Variants in GABRB1 observed in about 807,000 individuals in gnomAD.
The protein encoded by GABRB1 is gamma-aminobutyric acid type A receptor subunit beta1.
In GABRB1, 17 loss-of-function variants were observed where a neutral mutation model predicts 51.6. That is an observed-to-expected ratio of 0.33 (90% CI 0.23 to 0.49). GABRB1 has a LOEUF of 0.49. GABRB1 is among the 20% of genes least tolerant of loss of function. GABRB1 has a pLI of 0.99. For synonymous variants in GABRB1, 247 were observed against 218.9 expected (o/e 1.13, Z -1.14); for missense variants, 410 against 600.6 (o/e 0.68, Z 3.32).
chr4:47,245,378 C>T (rs953440246), intron 4 of GABRB1, among the ~76,000 whole-genome samples: 2 of 152,158 alleles, frequency 1.3e-5, no homozygotes, highest in African/African-American at 2.4e-5. Flanking sequence ...GTTATTCCCT[C>T]AGAGAAAGAG....
At chr4:47,113,694 C>T (rs568114610) in intron 3 of GABRB1, among the ~76,000 whole-genome samples, 3 of 152,306 alleles carry the variant, frequency 2.0e-5, no homozygotes, top group African/African-American at 7.2e-5. Flanking sequence ...AGTATCATTA[C>T]TCTAGTTGTG....
chr4:47,283,356 C>CTTTTTTT (rs570311247), intron 4 of GABRB1, among the ~76,000 whole-genome samples: 1 of 77,298 alleles, frequency 1.3e-5, no homozygotes, highest in Non-Finnish European at 2.4e-5. Context: ...CTGGTGGCCC[C>CTTTTTTT]TTTTTTTTTT....
chr4:47,313,243 A>G (rs1188249231), intron 4 of GABRB1, among the ~76,000 whole-genome samples: 1 of 152,218 alleles, frequency 6.6e-6, no homozygotes, highest in African/African-American at 2.4e-5. Context: ...AAGAACAGTC[A>G]GTTAATGCTT....
intron 3 of GABRB1, among the ~76,000 whole-genome samples, chr4:47,123,829 T>A (rs1251923845): frequency 2.3e-5 from 2 of 85,726 alleles, no homozygotes; most frequent in African/African-American, 9.3e-5. Context: ...TATATTATAT[T>A]ATATATTATA....
In GABRB1 at chr4:47,097,421, G is replaced by C. The variant is rs546969964; in HGVS notation, c.241-63828G>C. Among the ~76,000 whole-genome samples, 6 of 152,212 alleles carry C rather than the reference G, an allele frequency of 3.9e-5. No homozygotes were observed. In the East Asian group the frequency reaches 1.2e-3, roughly 29 times the overall value. On this transcript the variant is annotated intron_variant, in intron 3 of 8. Coordinates refer to ENST00000295454, the MANE Select transcript of GABRB1 (RefSeq NM_000812.4). ...CCTTGCTCCAATAACACCTAATCAAGTGAATCTTCCGTGACTGCAAATGAA... is the reference window on the plus strand; with the variant it reads ...CCTTGCTCCAATAACACCTAATCAACTGAATCTTCCGTGACTGCAAATGAA...
chr4:47,063,025 C>G (rs987475655), intron 3 of GABRB1, among the ~76,000 whole-genome samples: 3 of 152,232 alleles, frequency 2.0e-5, no homozygotes, highest in African/African-American at 7.2e-5. Context: ...TGGATTATAT[C>G]ACTTCTTACT....
At chr4:47,338,360 T>C (rs1229069877) in intron 5 of GABRB1, among the ~76,000 whole-genome samples, 1 of 152,196 alleles carries the variant, frequency 6.6e-6, no homozygotes, top group Non-Finnish European at 1.5e-5. Flanking sequence ...TACATCCTAG[T>C]CCGTCAAAAG....
chr4:47,192,103 C>A (rs1719462146), intron 4 of GABRB1, among the ~76,000 whole-genome samples: 1 of 151,856 alleles, frequency 6.6e-6, no homozygotes, highest in Admixed American at 6.6e-5. Flanking sequence ...AAACAAAAAA[C>A]CCTCAAGCCT....
chr4:47,130,756 C>T (rs935301612), intron 3 of GABRB1, among the ~76,000 whole-genome samples: 7 of 152,100 alleles, frequency 4.6e-5, no homozygotes, highest in Admixed American at 6.5e-5. Context: ...CCTCCAAGCA[C>T]CAAAAGGATA....
intron 5 of GABRB1, among the ~76,000 whole-genome samples, chr4:47,381,109 C>T (rs1353395331): frequency 1.3e-5 from 2 of 152,248 alleles, no homozygotes; most frequent in Middle Eastern, 3.4e-3. Context: ...ACTGTCTCCC[C>T]GTTGTGCCAC....
chr4:47,320,960 G>C (rs541128155), intron 5 of GABRB1, among the ~76,000 whole-genome samples: 8 of 151,942 alleles, frequency 5.3e-5, no homozygotes, highest in Non-Finnish European at 1.2e-4. Flanking sequence ...TAGTAGAGAC[G>C]AGGTTTCATC....
intron 1 of GABRB1, among the ~76,000 whole-genome samples, chr4:47,011,366 A>T (rs1031824877): frequency 7.9e-5 from 12 of 152,260 alleles, no homozygotes; most frequent in Admixed American, 5.9e-4. Flanking sequence ...TCTGGGCGGC[A>T]ACTACAGAGA....
chr4:47,031,596 A>G lies in GABRB1; in HGVS notation c.-56A>G. 2 of 1,445,538 alleles carry G rather than the reference A, an allele frequency of 1.4e-6. No homozygotes were observed. The highest frequency in any genetic ancestry group is 2.3e-5 in the East Asian group (1 of 44,084). The allele number at this position is 1,445,538 out of a possible 1,614,324, so 89.5% of individuals were successfully genotyped here. A position where few individuals can be genotyped will look rare whatever the true frequency, so the allele number is the denominator to read the frequency against. On this transcript the variant is annotated 5_prime_UTR_variant, in exon 1 of 9. Transcript: ENST00000295454. The stretch of plus-strand genomic sequence containing the variant: ...GGGAATTACTGCCCAGCAGCCGACT[A>G]AGTTGCATTCCTTGAATCTTCGCAG...
At chr4:47,030,048 A>G (rs28580121), upstream of GABRB1, among the ~76,000 whole-genome samples, 3,650 of 151,972 alleles carry the variant, frequency 0.024, 133 homozygotes, top group African/African-American at 0.084. Flanking sequence ...GAATTAGTTT[A>G]TTCATTTCCA....
At chr4:47,061,913 A>G (rs1726862028) in intron 3 of GABRB1, among the ~76,000 whole-genome samples, 1 of 152,158 alleles carries the variant, frequency 6.6e-6, no homozygotes, top group Non-Finnish European at 1.5e-5. Context: ...AAATGGTAAT[A>G]TTCATTCTTA....
chr4:47,009,031 T>C (rs1724505848), intron 1 of GABRB1, among the ~76,000 whole-genome samples: 1 of 147,856 alleles, frequency 6.8e-6, no homozygotes, highest in South Asian at 2.2e-4. Flanking sequence ...GCCCGGCTAA[T>C]TTTTTGTATT....
chr4:47,090,094 G>T (rs1038572029), intron 3 of GABRB1, among the ~76,000 whole-genome samples: 1 of 152,124 alleles, frequency 6.6e-6, no homozygotes, highest in African/African-American at 2.4e-5. Context: ...AGACGTTTTT[G>T]TTGAATATAA....
Position 47,344,267 on chromosome 4 carries a change from A to C in GABRB1, c.544+24058A>C, listed in dbSNP as rs1726008399. Among the ~76,000 whole-genome samples the C allele has an allele frequency of 3.9e-5, 6 of 152,294 alleles. No homozygotes were observed. In the South Asian group the frequency reaches 1.2e-3, roughly 32 times the overall value. On this transcript the variant is annotated intron_variant, in intron 5 of 8. Coordinates refer to ENST00000295454, the MANE Select transcript of GABRB1 (RefSeq NM_000812.4). ...GGTTCACAATACTGTGTACTTCAAA[A>C]TTCTTCCCTGCTGTCTTCTCTGGGG...
chr4:47,299,117 A>G (rs1213786001), intron 4 of GABRB1, among the ~76,000 whole-genome samples: 2 of 151,844 alleles, frequency 1.3e-5, no homozygotes, highest in Non-Finnish European at 2.9e-5. Flanking sequence ...TAAATGTTAG[A>G]CCTAAAACCA....
Sources: allele counts gnomAD v4.1 joint callset (sites outside exome capture counted in the v4.1 genomes callset), GRCh38; gene constraint gnomAD v4.1.1; transcripts MANE v1.5; gene names NCBI Gene and HGNC (gene_info 2026-07-23, HGNC 2026-07-21).